Variants in ADAMTSL1 observed in about 807,000 individuals in gnomAD.
ADAMTSL1 encodes the protein ADAMTS like 1.
ADAMTSL1 carries 126 observed loss-of-function variants against 201.8 expected under a neutral mutation model. That is an observed-to-expected ratio of 0.62 (90% CI 0.54 to 0.72). The LOEUF (loss-of-function observed/expected upper bound fraction) is 0.72, where lower values mean the gene tolerates loss of function less well. Among genes scored for constraint, ADAMTSL1 ranks in the 30% least tolerant of loss-of-function variants. The probability of loss-of-function intolerance (pLI) is 0.00; values close to 1 mark genes in which losing one functional copy is unlikely to be tolerated. For synonymous variants in ADAMTSL1, 1,121 were observed against 903.4 expected (o/e 1.24, Z -4.32); for missense variants, 2,679 against 2,277.8 (o/e 1.18, Z -3.59).
intron 13 of ADAMTSL1, among the ~76,000 whole-genome samples, chr9:18,704,483 T>A (rs1056582474): frequency 6.6e-6 from 1 of 152,228 alleles, no homozygotes; most frequent in Non-Finnish European, 1.5e-5. Flanking sequence ...GAAGTATTAT[T>A]CATCACACCA....
In ADAMTSL1 at chr9:18,684,871, T is replaced by C; in HGVS notation, c.1574+71T>C. ...TTTAAAGAAAGCAGTGTCTCACTGG[T>C]TGTAGCTTTCATGGGTTCTGAACTA... On this transcript the variant is annotated intron_variant, in intron 13 of 28. Transcript: ENST00000380548. The C allele has an allele frequency of 4.6e-6, 7 of 1,535,964 alleles. No homozygotes were observed. In the South Asian group the frequency reaches 8.7e-5, roughly 19 times the overall value.
At chr9:18,841,360 A>T (rs1388863413) in intron 23 of ADAMTSL1, among the ~76,000 whole-genome samples, 1 of 152,090 alleles carries the variant, frequency 6.6e-6, no homozygotes, top group Non-Finnish European at 1.5e-5. Context: ...CATATATTGA[A>T]CCAGACTTGC....
chr9:18,165,037 T>A lies in ADAMTSL1; in HGVS notation c.207+1056T>A, dbSNP rs1210427253. ...CTATAATACATTTTCATATGGTTCA[T>A]ATATTGGTTTTTTTTTCTCAGTAAG... On this transcript the variant is annotated intron_variant, in intron 2 of 29. Transcript: ENST00000680146. 2.6e-5 allele frequency among the ~76,000 whole-genome samples: 4 copies of A among 152,032 alleles called. No individual in the cohort carries two copies. In the East Asian group the frequency reaches 7.8e-4, roughly 30 times the overall value.
chr9:17,942,959 T>A (rs767287898), intron 1 of ADAMTSL1, among the ~76,000 whole-genome samples: 1 of 152,174 alleles, frequency 6.6e-6, no homozygotes, highest in Non-Finnish European at 1.5e-5. Context: ...TCTCATTGTG[T>A]CATCTAGGCT....
At chr9:17,957,489 A>G (rs996338278) in intron 1 of ADAMTSL1, among the ~76,000 whole-genome samples, 1 of 152,108 alleles carries the variant, frequency 6.6e-6, no homozygotes, top group Admixed American at 6.6e-5. Context: ...CTTTTCCATG[A>G]TCTCTACTGC....
chr9:18,778,455 T>G (rs1016025332), intron 19 of ADAMTSL1, among the ~76,000 whole-genome samples: 1 of 152,196 alleles, frequency 6.6e-6, no homozygotes, highest in Non-Finnish European at 1.5e-5. Flanking sequence ...TATCCTAATA[T>G]CTCCTGTTGT....
At chr9:18,762,105 T>A (rs952721432) in intron 16 of ADAMTSL1, among the ~76,000 whole-genome samples, 2 of 152,230 alleles carry the variant, frequency 1.3e-5, no homozygotes, top group African/African-American at 4.8e-5. Flanking sequence ...ATTTATGAAG[T>A]GCATGCTCTT....
chr9:18,417,367 G>GAAAAAAAAAAAAAAAAA (rs80226819), intron 2 of ADAMTSL1, among the ~76,000 whole-genome samples: 4 of 64,690 alleles, frequency 6.2e-5, no homozygotes, highest in East Asian at 3.7e-4. Context: ...AAGTAAGCAG[G>GAAAAAAAAAAAAAAAAA]AAAAAAAAAA....
At chr9:18,107,358 A>T (rs932508066) in intron 1 of ADAMTSL1, among the ~76,000 whole-genome samples, 1 of 152,174 alleles carries the variant, frequency 6.6e-6, no homozygotes, top group Non-Finnish European at 1.5e-5. Flanking sequence ...TAATTATGTT[A>T]GTGCTAGAAT....
At chr9:18,775,630 G>A in intron 17 of ADAMTSL1, 113 bp from the exon 18 acceptor site, 2 of 1,333,950 alleles carry the variant, frequency 1.5e-6, no homozygotes, top group Non-Finnish European at 2.1e-6. Context: ...TATCACAGTG[G>A]TTATTGCTTT....
chr9:18,564,905 C>G (rs1000899506), intron 3 of ADAMTSL1, among the ~76,000 whole-genome samples: 3 of 152,132 alleles, frequency 2.0e-5, no homozygotes, highest in African/African-American at 7.2e-5. Context: ...AAATGACAAA[C>G]TACAACCAGT....
Position 18,770,663 on chromosome 9 carries a change from C to G in ADAMTSL1, c.2279C>G (p.Ala760Gly), listed in dbSNP as rs772308875. Residue 760 changes from alanine to glycine, a missense_variant, in exon 17 of 29, where the codon GCT becomes GGT. Transcript: ENST00000380548. ...KREVLCKQRM[A>G]DGSFLELPET... ...GAGGTTCTTTGCAAGCAGCGCATGGCTGATGGCAGCTTCCTGGAGCTTCCT... is the reference window on the plus strand; with the variant it reads ...GAGGTTCTTTGCAAGCAGCGCATGGGTGATGGCAGCTTCCTGGAGCTTCCT... 1 of 1,613,630 alleles carries G rather than the reference C, an allele frequency of 6.2e-7. No homozygotes were observed. The highest frequency in any genetic ancestry group is 2.2e-5 in the East Asian group (1 of 44,876).
chr9:18,144,914 A>G (rs777335687), intron 1 of ADAMTSL1, among the ~76,000 whole-genome samples: 1 of 152,170 alleles, frequency 6.6e-6, no homozygotes, highest in Non-Finnish European at 1.5e-5. Context: ...AGCATGATAA[A>G]GATATTTTCC....
chr9:18,050,861 GAA>G (rs1821900510), intron 1 of ADAMTSL1, among the ~76,000 whole-genome samples: 1 of 152,170 alleles, frequency 6.6e-6, no homozygotes, highest in South Asian at 2.1e-4. Flanking sequence ...GTAAAAAAAG[GAA>G]ATCCTTTTCA....
intron 23 of ADAMTSL1, among the ~76,000 whole-genome samples, chr9:18,855,144 C>T (rs1174273019): frequency 6.6e-6 from 1 of 152,168 alleles, no homozygotes; most frequent in Non-Finnish European, 1.5e-5. Context: ...GCCTCAGAAA[C>T]ACGAGGCTAA....
At chr9:18,727,834 T>G (rs1217678640) in intron 15 of ADAMTSL1, among the ~76,000 whole-genome samples, 2 of 152,022 alleles carry the variant, frequency 1.3e-5, no homozygotes, top group Non-Finnish European at 2.9e-5. Flanking sequence ...AATCCCAGCA[T>G]TTTGGGAGGC....
chr9:18,188,285 A>G (rs1326633156), intron 2 of ADAMTSL1, among the ~76,000 whole-genome samples: 1 of 152,096 alleles, frequency 6.6e-6, no homozygotes, highest in Non-Finnish European at 1.5e-5. Context: ...AACCCTACAC[A>G]CCGGCAGTCT....
chr9:18,538,084 T>A (rs1013425475), intron 3 of ADAMTSL1, among the ~76,000 whole-genome samples: 9 of 151,944 alleles, frequency 5.9e-5, no homozygotes, highest in African/African-American at 2.2e-4. Context: ...ATGAAAAAGA[T>A]AGGTTTGGCT....
chr9:18,646,372 AC>A (rs1331705927), intron 7 of ADAMTSL1, among the ~76,000 whole-genome samples: 1 of 151,952 alleles, frequency 6.6e-6, no homozygotes, highest in Non-Finnish European at 1.5e-5. Context: ...CTAATTGAAT[AC>A]CCTTTATTTC....
Sources: gnomAD v4.1 joint callset for allele counts (sites outside exome capture counted in the v4.1 genomes callset) on GRCh38, gnomAD v4.1.1 for gene constraint, MANE v1.5 for transcripts, NCBI Gene and HGNC (gene_info 2026-07-23, HGNC 2026-07-21) for gene names.